Variants in KLHL28 observed in about 807,000 individuals in gnomAD.
KLHL28 encodes kelch-like protein 28.
KLHL28 carries 22 observed loss-of-function variants against 48.3 expected under a neutral mutation model. The observed-to-expected ratio is 0.46, with a 90% confidence interval of 0.33 to 0.65. The LOEUF is 0.65. Among genes scored for constraint, KLHL28 ranks in the 30% least tolerant of loss-of-function variants. The pLI, the probability that KLHL28 is intolerant of heterozygous loss-of-function variation, is 0.03. For synonymous variants in KLHL28, 243 were observed against 242.4 expected, an observed-to-expected ratio of 1.00 and a Z score of -0.02; for missense variants, 527 against 704.3, an observed-to-expected ratio of 0.75 and a Z score of 2.85.
rs922440536 is a variant in KLHL28 at position 44,945,505 on chromosome 14, G to A, written c.424C>T (p.Arg142Cys). The change falls in exon 2 of 5, where the codon CGT becomes TGT. Residue 142 changes from arginine to cysteine, a missense_variant. Coordinates refer to ENST00000396128, the MANE Select transcript of KLHL28 (RefSeq NM_017658.5). ...CGGCAACCATATGTTTCTGCAAAAC[G>A]AGAAATTCCAATACAATTACCAGGA... is the stretch of plus-strand genomic sequence containing the variant. ...LDPGNCIGIS[R>C]FAETYGCRDL... The A allele has an allele frequency of 1.2e-6, 2 of 1,614,056 alleles. No individual in the cohort carries two copies. The highest frequency in any genetic ancestry group is 8.5e-7 in the Non-Finnish European group (1 of 1,180,036).
At chr14:44,947,579 T>C (rs1884392102) in intron 1 of KLHL28, among the ~76,000 whole-genome samples, 2 of 152,202 alleles carry the variant, frequency 1.3e-5, no homozygotes, top group South Asian at 4.1e-4. Context: ...TCACAAGTTA[T>C]GGCAATAACG....
intron 1 of KLHL28, chr14:44,961,168 G>A (rs2138686902): frequency 3.0e-6 from 1 of 338,492 alleles, no homozygotes; most frequent in South Asian, 6.3e-5. Flanking sequence ...AATCCACAAG[G>A]CAGAATTCTC....
intron 1 of KLHL28, among the ~76,000 whole-genome samples, chr14:44,946,466 T>C (rs542622733): frequency 6.6e-6 from 1 of 152,152 alleles, no homozygotes; most frequent in African/African-American, 2.4e-5. Flanking sequence ...CACCAATTAA[T>C]TTAATTAATT....
rs1883471296 is a variant in KLHL28 at position 44,928,898 on chromosome 14, T to C, written c.*130A>G. ...CTCAATTAAAAGTACCCAACAAAAC[T>C]TTTGAGCCTTCATGCTACTTCAAGT... On this transcript the variant is annotated 3_prime_UTR_variant, in exon 5 of 5. Coordinates refer to ENST00000396128, the MANE Select transcript of KLHL28 (RefSeq NM_017658.5). 2.7e-6 allele frequency: 2 copies of C among 731,270 alleles called. No individual in the cohort carries two copies. Among genetic ancestry groups the C allele is most frequent in the Admixed American group, 2.7e-5 (1 of 37,648 alleles). The allele number at this position is 731,270 out of a possible 1,614,324, so 45.3% of individuals were successfully genotyped here.
chr14:44,925,769 CAAT>C lies in KLHL28; in HGVS notation c.*3256_*3258del, dbSNP rs939743590. 6.6e-6 allele frequency: 1 copy of C among 152,120 alleles called. No individual in the cohort carries two copies. The highest frequency in any genetic ancestry group is 6.5e-5 in the Admixed American group (1 of 15,270). 9.4% of individuals were successfully genotyped at this position (152,120 alleles called of 1,614,324 possible). On this transcript the variant is annotated 3_prime_UTR_variant, in exon 5 of 5. Transcript: ENST00000396128. The stretch of plus-strand genomic sequence containing the variant: ...ATTTAATATTCACTCACATTTAAAA[CAAT>C]AACAGCAATAACACAATTTATAAAT...
At chr14:44,933,987 A>G in intron 3 of KLHL28, 128 bp downstream of exon 3, 1 of 638,770 alleles carries the variant, frequency 1.6e-6, no homozygotes, top group Non-Finnish European at 2.7e-6. Flanking sequence ...ATATCCATGG[A>G]GCAGATTAAG....
chr14:44,931,835 C>A lies in KLHL28; in HGVS notation c.1344-294G>T, dbSNP rs551028267. On this transcript the variant is annotated intron_variant, in intron 3 of 4. Transcript: ENST00000396128. ...TGGGTTCAAGTACTAATTCTGTATA[C>A]CTAGGGCTGAACGAACCTTAACCCT... is the stretch of plus-strand genomic sequence containing the variant. Among the ~76,000 whole-genome samples the A allele has an allele frequency of 8.0e-4, 122 of 152,118 alleles. No individual in the cohort carries two copies. The Middle Eastern group carries it at 0.014, about 17-fold the overall frequency.
chr14:44,933,668 A>G (rs1883679722), intron 3 of KLHL28, among the ~76,000 whole-genome samples: 1 of 152,232 alleles, frequency 6.6e-6, no homozygotes. Context: ...ATGTATGATT[A>G]CAGGAAAGAA....
chr14:44,958,055 T>A (rs17115714), intron 1 of KLHL28, among the ~76,000 whole-genome samples: 7,539 of 149,662 alleles, frequency 0.05, 634 homozygotes, highest in African/African-American at 0.17. Context: ...TTCCTCCATA[T>A]CTCTGCCATA....
At chr14:44,944,036 A>G (rs938637393) in intron 2 of KLHL28, among the ~76,000 whole-genome samples, 3 of 152,202 alleles carry the variant, frequency 2.0e-5, no homozygotes, top group Non-Finnish European at 4.4e-5. Context: ...ATCAGTTGCC[A>G]TTGATGAAAC....
At chr14:44,940,191 T>C (rs10140108) in intron 2 of KLHL28, among the ~76,000 whole-genome samples, 23,406 of 152,090 alleles carry the variant, frequency 0.15, 3,310 homozygotes, top group African/African-American at 0.38. Flanking sequence ...TAACCTACTC[T>C]CACAATAATA....
Position 44,927,204 on chromosome 14 carries a change from C to T in KLHL28, c.*1824G>A, listed in dbSNP as rs569413556. 4.0e-4 allele frequency: 61 copies of T among 152,656 alleles called. No individual in the cohort carries two copies. Among genetic ancestry groups the T allele is most frequent in the Admixed American group, 1.8e-3 (28 of 15,284 alleles). The allele number at this position is 152,656 out of a possible 1,614,324, so 9.5% of individuals were successfully genotyped here. The stretch of plus-strand genomic sequence containing the variant: ...GTGCAAATATTCATAAAGCATGATA[C>T]TACATTTATGATTAAAAATGATTTT... On this transcript the variant is annotated 3_prime_UTR_variant, in exon 5 of 5. Coordinates refer to ENST00000396128, the MANE Select transcript of KLHL28 (RefSeq NM_017658.5).
At chr14:44,946,055 C>A (rs1247888350) in intron 1 of KLHL28, 127 bp from the exon 2 acceptor site, 1 of 711,390 alleles carries the variant, frequency 1.4e-6, no homozygotes, top group Admixed American at 2.9e-5. Flanking sequence ...TTAAATACTT[C>A]ATAGTAAATA....
At chr14:44,956,644 TAAAG>T (rs1185247112) in intron 1 of KLHL28, among the ~76,000 whole-genome samples, 1 of 152,104 alleles carries the variant, frequency 6.6e-6, no homozygotes, top group Non-Finnish European at 1.5e-5. Context: ...CTGCAAGAAA[TAAAG>T]AGAATGAATC....
intron 1 of KLHL28, among the ~76,000 whole-genome samples, chr14:44,948,140 A>G (rs1266876808): frequency 6.6e-6 from 1 of 152,188 alleles, no homozygotes; most frequent in African/African-American, 2.4e-5. Context: ...AGATAGAAAA[A>G]ATAGGTAATG....
At chr14:44,940,053 C>G (rs1248433571) in intron 2 of KLHL28, among the ~76,000 whole-genome samples, 3 of 152,172 alleles carry the variant, frequency 2.0e-5, no homozygotes, top group Non-Finnish European at 4.4e-5. Context: ...GAGCATGATG[C>G]CTGCATCTGG....
intron 2 of KLHL28, among the ~76,000 whole-genome samples, chr14:44,943,371 T>C (rs750738929): frequency 6.6e-6 from 1 of 152,182 alleles, no homozygotes; most frequent in Non-Finnish European, 1.5e-5. Flanking sequence ...TAAAATGTAT[T>C]ATGAGGCTGG....
In KLHL28 at chr14:44,950,376, G is replaced by A. The variant is rs1884525654; in HGVS notation, c.1-4448C>T. Among the ~76,000 whole-genome samples the A allele has an allele frequency of 2.0e-5, 3 of 152,100 alleles. No individual in the cohort carries two copies. In the South Asian group the frequency reaches 6.2e-4, roughly 31 times the overall value. On this transcript the variant is annotated intron_variant, in intron 1 of 4. Coordinates refer to ENST00000396128, the MANE Select transcript of KLHL28 (RefSeq NM_017658.5). Reference sequence around the variant, plus strand: ...TTGTTGATTCTCAAATCAAGGTTATGAAGTATTGACTAGATTCATTTTTAA... The same window carrying A: ...TTGTTGATTCTCAAATCAAGGTTATAAAGTATTGACTAGATTCATTTTTAA...
At chr14:44,940,564 C>A (rs1286849454) in intron 2 of KLHL28, among the ~76,000 whole-genome samples, 4 of 152,070 alleles carry the variant, frequency 2.6e-5, no homozygotes, top group African/African-American at 9.7e-5. Context: ...CTACCCAATC[C>A]CCACTTTCTT....
Sources: allele counts gnomAD v4.1 joint callset (sites outside exome capture counted in the v4.1 genomes callset), GRCh38; gene constraint gnomAD v4.1.1; transcripts MANE v1.5; gene names NCBI Gene and HGNC (gene_info 2026-07-23, HGNC 2026-07-21).